The following ENOX1 variants were observed in gnomAD, a reference collection of about 807,000 sequenced individuals.
The protein encoded by ENOX1 is ecto-NOX disulfide-thiol exchanger 1, also known as candidate growth-related and time keeping constitutive hydroquinone (NADH) oxidase.
A neutral mutation model predicts 82.5 loss-of-function variants in ENOX1; 42 were observed. The ratio of observed to expected loss-of-function variants is 0.51; its 90% confidence interval spans 0.40 to 0.66. ENOX1 has a LOEUF of 0.66. ENOX1 is among the 30% of genes least tolerant of loss of function. The pLI is 0.00. For missense variants in ENOX1, 608 were observed against 811.6 expected, an observed-to-expected ratio of 0.75 and a Z score of 3.05; for synonymous variants, 271 against 282.2, an observed-to-expected ratio of 0.96 and a Z score of 0.40.
Position 43,247,909 on chromosome 13 carries a change from G to T in ENOX1, c.1612-11171C>A, listed in dbSNP as rs1217356440. The stretch of plus-strand genomic sequence containing the variant: ...TTTTTTTTTTTTTTTTTTTTGAGAC[G>T]GAGTCTCGCTCTGTCGCCCAGGCTG... On this transcript the variant is annotated intron_variant, in intron 14 of 16. Transcript: ENST00000690772. Among the ~76,000 whole-genome samples, 77 of 33,672 alleles carry T rather than the reference G, an allele frequency of 2.3e-3. 1 individual carries two copies. Among genetic ancestry groups the T allele is most frequent in the African/African-American group, 8.2e-3 (74 of 9,036 alleles). 22.1% of individuals were successfully genotyped at this position (33,672 alleles called of 152,430 possible).
chr13:43,510,055 T>C (rs901372861), intron 2 of ENOX1, among the ~76,000 whole-genome samples: 1 of 151,990 alleles, frequency 6.6e-6, no homozygotes, highest in African/African-American at 2.4e-5. Flanking sequence ...TCTGTACATA[T>C]GTATAGATCT....
At chr13:43,757,169 T>A (rs994076273) in intron 1 of ENOX1, among the ~76,000 whole-genome samples, 2 of 152,098 alleles carry the variant, frequency 1.3e-5, no homozygotes, top group African/African-American at 4.8e-5. Context: ...AGAGACCTGA[T>A]ATGGTGGATT....
At chr13:43,342,873 T>C (rs1214939898) in intron 9 of ENOX1, among the ~76,000 whole-genome samples, 2 of 152,230 alleles carry the variant, frequency 1.3e-5, no homozygotes, top group African/African-American at 4.8e-5. Flanking sequence ...TAATGACAGG[T>C]AGACATTTTG....
At chr13:43,321,838 A>G (rs907967328) in intron 11 of ENOX1, among the ~76,000 whole-genome samples, 1 of 152,248 alleles carries the variant, frequency 6.6e-6, no homozygotes, top group Non-Finnish European at 1.5e-5. Context: ...AGCAGCTCCC[A>G]TTAGACAGAG....
At chr13:43,262,849 T>C (rs1400124627) in intron 14 of ENOX1, among the ~76,000 whole-genome samples, 1 of 152,182 alleles carries the variant, frequency 6.6e-6, no homozygotes, top group African/African-American at 2.4e-5. Flanking sequence ...TTGGTGTTAA[T>C]GTACATGGTT....
chr13:43,354,261 T>C (rs1209154654), intron 8 of ENOX1, among the ~76,000 whole-genome samples: 2 of 152,262 alleles, frequency 1.3e-5, no homozygotes, highest in African/African-American at 4.8e-5. Flanking sequence ...CTGCACTGCA[T>C]ATGCCCTTTA....
intron 3 of ENOX1, among the ~76,000 whole-genome samples, chr13:43,436,465 C>T (rs1346088886): frequency 6.6e-6 from 1 of 152,046 alleles, no homozygotes; most frequent in Non-Finnish European, 1.5e-5. Context: ...AAAACAATAC[C>T]TAAAATATTA....
chr13:43,711,520 A>G (rs1413605842), intron 1 of ENOX1, among the ~76,000 whole-genome samples: 1 of 152,160 alleles, frequency 6.6e-6, no homozygotes, highest in Non-Finnish European at 1.5e-5. Flanking sequence ...TGGTTGAACT[A>G]GTTTATAGTC....
intron 2 of ENOX1, among the ~76,000 whole-genome samples, chr13:43,582,396 A>G (rs1024525349): frequency 3.3e-5 from 5 of 152,180 alleles, no homozygotes; most frequent in Non-Finnish European, 7.3e-5. Flanking sequence ...AGAAAAAGTA[A>G]TAAATATACA....
At chr13:43,220,931 A>T (rs984494348) in intron 16 of ENOX1, among the ~76,000 whole-genome samples, 4 of 152,188 alleles carry the variant, frequency 2.6e-5, no homozygotes, top group African/African-American at 9.7e-5. Context: ...ATGCTATCCA[A>T]TTAATTAAAC....
chr13:43,701,595 A>T (rs2086910880), intron 1 of ENOX1, among the ~76,000 whole-genome samples: 1 of 152,184 alleles, frequency 6.6e-6, no homozygotes. Context: ...TATATGTTTC[A>T]TAAATAAATC....
intron 5 of ENOX1, among the ~76,000 whole-genome samples, chr13:43,407,567 G>A (rs761218845): frequency 6.6e-6 from 1 of 152,114 alleles, no homozygotes; most frequent in Non-Finnish European, 1.5e-5. Context: ...TTAGGTATTT[G>A]TCCTAATGCA....
At chr13:43,752,228 T>C (rs1232069873) in intron 1 of ENOX1, among the ~76,000 whole-genome samples, 1 of 152,144 alleles carries the variant, frequency 6.6e-6, no homozygotes. Context: ...TTTCAGTAGG[T>C]TGTTTTCTTA....
chr13:43,503,536 T>C (rs1370338807), intron 2 of ENOX1, among the ~76,000 whole-genome samples: 1 of 151,572 alleles, frequency 6.6e-6, no homozygotes, highest in East Asian at 1.9e-4. Context: ...AAAACAGGCA[T>C]ATGGAACAAT....
At chr13:43,488,217 A>G (rs752714253) in intron 2 of ENOX1, among the ~76,000 whole-genome samples, 1 of 152,186 alleles carries the variant, frequency 6.6e-6, no homozygotes, top group Non-Finnish European at 1.5e-5. Flanking sequence ...TATAGCCTTT[A>G]AGAGATGATT....
chr13:43,657,764 A>G (rs749868555), intron 2 of ENOX1, among the ~76,000 whole-genome samples: 3 of 152,200 alleles, frequency 2.0e-5, no homozygotes, highest in African/African-American at 7.2e-5. Context: ...TGAGTCAAAT[A>G]TCGTCTTTTA....
intron 5 of ENOX1, among the ~76,000 whole-genome samples, chr13:43,408,279 T>C (rs914769116): frequency 1.3e-5 from 2 of 152,212 alleles, no homozygotes; most frequent in African/African-American, 2.4e-5. Context: ...TCTTACGCCT[T>C]GCTTTACTGA....
At chr13:43,520,655 G>T (rs906933424) in intron 2 of ENOX1, among the ~76,000 whole-genome samples, 1 of 152,102 alleles carries the variant, frequency 6.6e-6, no homozygotes, top group African/African-American at 2.4e-5. Context: ...AGGCTTTGCC[G>T]GGGGGCGGCC....
chr13:43,393,473 G>A lies in ENOX1; in HGVS notation c.208+18443C>T, dbSNP rs188480429. Among the ~76,000 whole-genome samples the A allele has an allele frequency of 1.1e-4, 16 of 152,176 alleles. No homozygotes were observed. The East Asian group carries it at 3.1e-3, about 29-fold the overall frequency. ...TGCATAACAAGAATGGTTCCAGGAGGCATAAGAAACACAAAGATGAATAAA... is the reference window on the plus strand; with the variant it reads ...TGCATAACAAGAATGGTTCCAGGAGACATAAGAAACACAAAGATGAATAAA... On this transcript the variant is annotated intron_variant, in intron 5 of 16. Transcript: ENST00000690772.
Sources: allele counts gnomAD v4.1 joint callset (sites outside exome capture counted in the v4.1 genomes callset), GRCh38; gene constraint gnomAD v4.1.1; transcripts MANE v1.5; gene names NCBI Gene and HGNC (gene_info 2026-07-23, HGNC 2026-07-21).